The following CA10 variants were observed in gnomAD, a reference collection of about 807,000 sequenced individuals.
The protein encoded by CA10 is carbonic anhydrase 10 (inactive), also known as carbonic anhydrase-related protein 10.
Under a neutral mutation model 44.2 loss-of-function variants are expected in CA10, and 14 were observed. That is an observed-to-expected ratio of 0.32 (90% confidence interval 0.21 to 0.50). CA10 has a LOEUF of 0.50. Among genes scored for constraint, CA10 ranks in the 20% least tolerant of loss-of-function variants. The pLI, the probability that CA10 is intolerant of heterozygous loss-of-function variation, is 0.99. For missense variants in CA10, 350 were observed against 409.7 expected (o/e 0.85, Z 1.26); for synonymous variants, 159 against 141.6 (o/e 1.12, Z -0.87).
At chr17:51,825,732 C>T (rs1907984106) in intron 3 of CA10, among the ~76,000 whole-genome samples, 1 of 152,156 alleles carries the variant, frequency 6.6e-6, no homozygotes, top group Non-Finnish European at 1.5e-5. Context: ...CATTTTTGCT[C>T]ATCCTAACCT....
At chr17:51,783,151 T>C (rs964447920) in intron 3 of CA10, among the ~76,000 whole-genome samples, 3 of 143,604 alleles carry the variant, frequency 2.1e-5, no homozygotes, top group Non-Finnish European at 4.6e-5. Flanking sequence ...AGAGAAATGA[T>C]TTTTTTTTCT....
In CA10 at chr17:51,747,549, T is replaced by C. The variant is rs1399945377; in HGVS notation, c.465+84A>G. ...TCATAGATTAGAGCGAATCCCTTTG[T>C]TATGTTATCCCATCTTGGACACAAA... On this transcript the variant is annotated intron_variant, in intron 4 of 8. Transcript: ENST00000451037. 6 of 1,118,174 alleles carry C rather than the reference T, an allele frequency of 5.4e-6. No homozygotes were observed. In the East Asian group the frequency reaches 7.3e-5, roughly 14 times the overall value. The allele number at this position is 1,118,174 out of a possible 1,614,324, so 69.3% of individuals were successfully genotyped here.
At chr17:51,754,428 T>G (rs1356980220) in intron 3 of CA10, among the ~76,000 whole-genome samples, 2 of 94,328 alleles carry the variant, frequency 2.1e-5, no homozygotes, top group East Asian at 8.3e-4. Flanking sequence ...TATATATATA[T>G]ATATATATAT....
chr17:51,717,827 G>GTATATATA (rs1268095043), intron 4 of CA10, among the ~76,000 whole-genome samples: 3 of 10,350 alleles, frequency 2.9e-4, no homozygotes, highest in African/African-American at 1.0e-3. Context: ...ATATATGTGT[G>GTATATATA]TGTATATATA....
Position 52,073,889 on chromosome 17 carries a change from AG to A in CA10, c.62-1497del, listed in dbSNP as rs1364632726. ...TGAGACTCTGGGAATTTGCAGCACC[AG>A]GGAAAGACAAGGAGATTTGAAGTCA... On this transcript the variant is annotated intron_variant, in intron 1 of 8. Transcript: ENST00000451037. Among the ~76,000 whole-genome samples, 8 of 152,366 alleles carry A rather than the reference AG, an allele frequency of 5.3e-5. No homozygotes were observed. The East Asian group carries it at 1.5e-3, about 29-fold the overall frequency.
chr17:52,085,726 A>G lies in CA10; in HGVS notation c.62-13333T>C, dbSNP rs530890430. 2.4e-4 allele frequency among the ~76,000 whole-genome samples: 37 copies of G among 152,330 alleles called. 1 individual carries two copies. The South Asian group carries it at 7.4e-3, about 31-fold the overall frequency. On this transcript the variant is annotated intron_variant, in intron 1 of 8. Coordinates refer to ENST00000451037, the MANE Select transcript of CA10 (RefSeq NM_020178.5). ...CTTCATGAGATTGTCCTCCTGTCAG[A>G]ATAGGTGCCCTGTAAATGTATTTGG...
chr17:51,865,089 A>G (rs1002830742), intron 3 of CA10, among the ~76,000 whole-genome samples: 2 of 152,152 alleles, frequency 1.3e-5, no homozygotes, highest in African/African-American at 4.8e-5. Context: ...TTAATTCAAA[A>G]AAATTCTTCA....
chr17:52,006,843 G>A (rs59372883), intron 2 of CA10, among the ~76,000 whole-genome samples: 4,820 of 151,792 alleles, frequency 0.032, 265 homozygotes, highest in African/African-American at 0.11. Flanking sequence ...ATATTACTAA[G>A]TTGATTAATC....
intron 1 of CA10, among the ~76,000 whole-genome samples, chr17:52,123,448 C>T (rs1256975429): frequency 6.6e-6 from 1 of 150,464 alleles, no homozygotes; most frequent in Non-Finnish European, 1.5e-5. Context: ...TACCAGCTTT[C>T]TAGTTCTTTG....
chr17:52,096,679 T>G (rs1275545532), intron 1 of CA10, among the ~76,000 whole-genome samples: 1 of 152,202 alleles, frequency 6.6e-6, no homozygotes, highest in East Asian at 1.9e-4. Context: ...ATTTATTTCT[T>G]GAAAAAAATA....
chr17:51,872,626 G>C (rs1234939802), intron 3 of CA10, among the ~76,000 whole-genome samples: 2 of 152,178 alleles, frequency 1.3e-5, no homozygotes, highest in Non-Finnish European at 2.9e-5. Flanking sequence ...ACTAGGTCCT[G>C]AACAAATAGA....
At chr17:51,635,472 C>T (rs1156658031) in intron 7 of CA10, among the ~76,000 whole-genome samples, 1 of 151,816 alleles carries the variant, frequency 6.6e-6, no homozygotes, top group East Asian at 1.9e-4. Flanking sequence ...AAGATCACGC[C>T]ACTGCACTCC....
intron 3 of CA10, among the ~76,000 whole-genome samples, chr17:51,889,989 A>G (rs565931387): frequency 1.3e-5 from 2 of 152,286 alleles, no homozygotes; most frequent in East Asian, 1.9e-4. Flanking sequence ...GTTGGCACCG[A>G]TGAACCCTTT....
chr17:51,764,659 G>A lies in CA10; in HGVS notation c.280-16841C>T, dbSNP rs150915053. 1.4e-3 allele frequency among the ~76,000 whole-genome samples: 212 copies of A among 152,268 alleles called. 2 individuals carry two copies. Among genetic ancestry groups the A allele is most frequent in the Middle Eastern group, 6.8e-3 (2 of 294 alleles). On this transcript the variant is annotated intron_variant, in intron 3 of 8. Transcript: ENST00000451037. ...AGCTGGCCTATGGCTGAGAGCCTAG[G>A]AGGCTACATGACTCCAAGGGCCCAG...
intron 3 of CA10, among the ~76,000 whole-genome samples, chr17:51,758,316 A>T (rs774216957): frequency 2.0e-5 from 3 of 152,200 alleles, no homozygotes; most frequent in Non-Finnish European, 2.9e-5. Context: ...TTATTTGCAC[A>T]CTCTGCAGGG....
chr17:52,045,264 T>C (rs1231543985), intron 2 of CA10, among the ~76,000 whole-genome samples: 2 of 151,748 alleles, frequency 1.3e-5, no homozygotes, highest in African/African-American at 2.4e-5. Context: ...GAAAAAAATA[T>C]ATAAAAACAT....
intron 2 of CA10, among the ~76,000 whole-genome samples, chr17:51,997,821 A>T (rs982390507): frequency 4.6e-5 from 7 of 152,124 alleles, no homozygotes; most frequent in African/African-American, 1.7e-4. Flanking sequence ...GAACAGGGCA[A>T]TAGTTTCAGG....
In CA10 at chr17:51,717,370, A is replaced by G. The variant is rs551239548; in HGVS notation, c.465+30263T>C. Among the ~76,000 whole-genome samples, 6 of 152,066 alleles carry G rather than the reference A, an allele frequency of 3.9e-5. No homozygotes were observed. The East Asian group carries it at 1.2e-3, about 30-fold the overall frequency. On this transcript the variant is annotated intron_variant, in intron 4 of 8. Transcript: ENST00000451037. ...GGCCAGGAAAATGAACCATGTGATT[A>G]AAAGTAGTACTACTATTTGATCCAG...
intron 2 of CA10, among the ~76,000 whole-genome samples, chr17:52,062,065 C>CTTTTTTTT (rs56369087): frequency 1.7e-5 from 2 of 115,838 alleles, no homozygotes; most frequent in Non-Finnish European, 3.3e-5. Context: ...GGTGTGGCCA[C>CTTTTTTTT]TTTTTTTTTT....
Sources: gnomAD v4.1 joint callset for allele counts (sites outside exome capture counted in the v4.1 genomes callset) on GRCh38, gnomAD v4.1.1 for gene constraint, MANE v1.5 for transcripts, NCBI Gene and HGNC (gene_info 2026-07-23, HGNC 2026-07-21) for gene names.